HDAC9: variants seen among roughly 807,000 people sequenced by gnomAD.
HDAC9 encodes histone deacetylase 9, also known as MEF-2 interacting transcription repressor (MITR) protein.
In HDAC9, 41 loss-of-function variants were observed where a neutral mutation model predicts 139.4. The ratio of observed to expected loss-of-function variants is 0.29; its 90% CI spans 0.23 to 0.38. HDAC9 has a LOEUF of 0.38. Ranked by LOEUF, HDAC9 falls within the 10% of genes least tolerant of loss-of-function variation. HDAC9 has a pLI of 1.00. For missense variants in HDAC9, 1,147 were observed against 1,297.0 expected (o/e 0.88, Z 1.78); for synonymous variants, 517 against 476.2 (o/e 1.09, Z -1.12).
intron 11 of HDAC9, among the ~76,000 whole-genome samples, chr7:18,659,489 A>C (rs1479150860): frequency 6.6e-6 from 1 of 152,148 alleles, no homozygotes; most frequent in Non-Finnish European, 1.5e-5. Flanking sequence ...ATTTGGATAA[A>C]TTACGATGGT....
At chr7:18,361,493 T>G (rs554004124) in intron 1 of HDAC9, among the ~76,000 whole-genome samples, 1 of 152,298 alleles carries the variant, frequency 6.6e-6, no homozygotes, top group South Asian at 2.1e-4. Context: ...CCTGAAAACC[T>G]TTAAATTGAA....
At chr7:18,622,275 G>T (rs191648156) in intron 6 of HDAC9, among the ~76,000 whole-genome samples, 136 of 152,226 alleles carry the variant, frequency 8.9e-4, no homozygotes, top group African/African-American at 3.2e-3. Flanking sequence ...TTCACTACAG[G>T]TGGAATCATT....
In HDAC9 at chr7:18,547,857, T is replaced by TTCCTTCCTTCCCTCCCTCCCTCCC. The variant is rs1563229989; in HGVS notation, c.23-37424_23-37423insTCCTTCCTTCCCTCCCTCCCTCCC. Reference sequence around the variant, plus strand: ...CTTCCTTCCTTCCTTCCTTCCTTCCTACCCTCCCTCCCTCCCTCCCTCCCT... The same window carrying TTCCTTCCTTCCCTCCCTCCCTCCC: ...CTTCCTTCCTTCCTTCCTTCCTTCCTTCCTTCCTTCCCTCCCTCCCTCCCACCCTCCCTCCCTCCCTCCCTCCCT... On this transcript the variant is annotated intron_variant, in intron 2 of 25. Coordinates refer to ENST00000686413, the MANE Select transcript of HDAC9 (RefSeq NM_178425.4). Among the ~76,000 whole-genome samples, 10 of 118,498 alleles carry TTCCTTCCTTCCCTCCCTCCCTCCC rather than the reference T, an allele frequency of 8.4e-5. 2 individuals are homozygous for TTCCTTCCTTCCCTCCCTCCCTCCC. The highest frequency in any genetic ancestry group is 3.9e-4 in the African/African-American group (10 of 25,404). 77.7% of individuals were successfully genotyped at this position (118,498 alleles called of 152,430 possible).
rs574873804 is a variant in HDAC9, at chr7:18,202,542, G to A, written c.25+40193G>A. ...TGCTTGCAGGTTTCACTTCCTTTTAGTAGGTTGAGGGCCATTTAGATAAAA... is the reference window on the plus strand; with the variant it reads ...TGCTTGCAGGTTTCACTTCCTTTTAATAGGTTGAGGGCCATTTAGATAAAA... On this transcript the variant is annotated intron_variant, in intron 2 of 12. Coordinates refer to the HDAC9 transcript ENST00000417496. Among the ~76,000 whole-genome samples the A allele has an allele frequency of 2.5e-4, 38 of 152,204 alleles. No homozygotes were observed. The East Asian group carries it at 4.1e-3, about 16-fold the overall frequency.
chr7:18,555,406 C>T (rs1013379974), intron 2 of HDAC9, among the ~76,000 whole-genome samples: 5 of 152,140 alleles, frequency 3.3e-5, no homozygotes, highest in African/African-American at 1.2e-4. Flanking sequence ...TATTGACAAT[C>T]CAATTCTAAT....
At chr7:18,903,647 A>G (rs532922223) in intron 22 of HDAC9, among the ~76,000 whole-genome samples, 2 of 152,174 alleles carry the variant, frequency 1.3e-5, no homozygotes, top group Non-Finnish European at 2.9e-5. Flanking sequence ...TCTTTGTGTC[A>G]GCTATTTACG....
intron 19 of HDAC9, among the ~76,000 whole-genome samples, chr7:18,834,891 G>A (rs141691607): frequency 8.4e-4 from 128 of 152,264 alleles, no homozygotes; most frequent in African/African-American, 2.9e-3. Context: ...GTGGGACTTG[G>A]CAAATCAATG....
chr7:18,482,349 G>A (rs188261994), intron 1 of HDAC9, among the ~76,000 whole-genome samples: 1 of 90,896 alleles, frequency 1.1e-5, no homozygotes, highest in Admixed American at 1.7e-4. Flanking sequence ...TTTGAGACCA[G>A]CCTGGGCAAC....
intron 2 of HDAC9, among the ~76,000 whole-genome samples, chr7:18,234,804 A>G (rs1793705015): frequency 6.6e-6 from 1 of 152,266 alleles, no homozygotes. Context: ...TTGAAGGCCA[A>G]GGATTCTGTT....
At chr7:18,293,016 G>C (rs1161845742) in intron 1 of HDAC9, among the ~76,000 whole-genome samples, 1 of 151,804 alleles carries the variant, frequency 6.6e-6, no homozygotes, top group Non-Finnish European at 1.5e-5. Context: ...CTTCACTCAA[G>C]GGGACATGGT....
chr7:18,606,639 C>G (rs931545646), intron 6 of HDAC9, among the ~76,000 whole-genome samples: 1 of 152,042 alleles, frequency 6.6e-6, no homozygotes, highest in Non-Finnish European at 1.5e-5. Context: ...AATTTTTGAC[C>G]TGTATCAAAT....
intron 25 of HDAC9, among the ~76,000 whole-genome samples, chr7:18,981,052 CT>C (rs1784916667): frequency 6.6e-6 from 1 of 152,038 alleles, no homozygotes; most frequent in African/African-American, 2.4e-5. Flanking sequence ...TCTCAATCTC[CT>C]GACCTCATGA....
intron 22 of HDAC9, among the ~76,000 whole-genome samples, chr7:18,906,509 A>G (rs1404093944): frequency 6.6e-6 from 1 of 152,218 alleles, no homozygotes; most frequent in African/African-American, 2.4e-5. Flanking sequence ...GCCAAGAAAC[A>G]TTTTGAGTTG....
At chr7:18,086,969 C>T (rs1418440680) in exon 1 of HDAC9, 3 of 147,516 alleles carry the variant, frequency 2.0e-5, no homozygotes, top group Admixed American at 2.0e-4. Context: ...CCGAGCCGGC[C>T]GCGCCGCGCC....
chr7:18,146,504 T>G (rs1786340911), intron 1 of HDAC9, among the ~76,000 whole-genome samples: 1 of 152,140 alleles, frequency 6.6e-6, no homozygotes. Flanking sequence ...GCAGCATAGG[T>G]ATTAAGTTAT....
At chr7:18,219,462 A>G (rs1047049313) in intron 2 of HDAC9, among the ~76,000 whole-genome samples, 1 of 152,198 alleles carries the variant, frequency 6.6e-6, no homozygotes, top group Admixed American at 6.5e-5. Flanking sequence ...AACATTTGCT[A>G]GAATAATGAG....
chr7:18,980,771 CTT>C (rs775900936), intron 25 of HDAC9, among the ~76,000 whole-genome samples: 1,435 of 117,666 alleles, frequency 0.012, 18 homozygotes, highest in African/African-American at 0.038. Context: ...TCTTCTTCTT[CTT>C]CTTCCTCTTC....
Position 18,431,007 on chromosome 7 carries a change from ATCCTATCTTGTCCTG to A in HDAC9, c.-41-65250_-41-65236del, listed in dbSNP as rs1368039047. Reference sequence around the variant, plus strand: ...ACACTTGCCATGCCTTGCATTGCTTATCCTATCTTGTCCTGTCCTGTCCTGTCCTGTCCTGTCCTG... The same window carrying A: ...ACACTTGCCATGCCTTGCATTGCTTATCCTGTCCTGTCCTGTCCTGTCCTG... On this transcript the variant is annotated intron_variant, in intron 1 of 3. Coordinates refer to the HDAC9 transcript ENST00000413509. Among the ~76,000 whole-genome samples the A allele has an allele frequency of 6.4e-5, 9 of 140,276 alleles. No homozygotes were observed. The East Asian group carries it at 1.9e-3, about 30-fold the overall frequency. The allele number at this position is 140,276 out of a possible 152,430, so 92.0% of individuals were successfully genotyped here. A position where few individuals can be genotyped will look rare whatever the true frequency, so the allele number is the denominator to read the frequency against.
At chr7:18,437,166 G>A (rs1477153791) in intron 1 of HDAC9, among the ~76,000 whole-genome samples, 2 of 152,082 alleles carry the variant, frequency 1.3e-5, no homozygotes, top group African/African-American at 4.8e-5. Context: ...TAGCCTTTAA[G>A]GTCTGAGGGT....
Sources: allele counts gnomAD v4.1 joint callset (sites outside exome capture counted in the v4.1 genomes callset), GRCh38; gene constraint gnomAD v4.1.1; transcripts MANE v1.5; gene names NCBI Gene and HGNC (gene_info 2026-07-23, HGNC 2026-07-21).